The following STAG1 variants were observed in gnomAD, a reference collection of about 807,000 sequenced individuals.
The protein encoded by STAG1 is cohesin subunit SA-1.
A neutral mutation model predicts 170.9 loss-of-function variants in STAG1; 26 were observed. That is an observed-to-expected ratio of 0.15 (90% CI 0.11 to 0.21). The LOEUF is 0.21. STAG1 is among the 10% of genes least tolerant of loss of function. The pLI is 1.00. For synonymous variants in STAG1, 514 were observed against 497.7 expected (o/e 1.03, Z -0.44); for missense variants, 964 against 1,509.5 (o/e 0.64, Z 5.99).
chr3:136,503,266 CAG>C (rs1202416099), intron 7 of STAG1, among the ~76,000 whole-genome samples: 2 of 152,184 alleles, frequency 1.3e-5, no homozygotes, highest in African/African-American at 2.4e-5. Flanking sequence ...TTCCTCACCT[CAG>C]AGAGTTGCAC....
intron 9 of STAG1, among the ~76,000 whole-genome samples, chr3:136,495,827 G>T (rs959505759): frequency 4.6e-5 from 7 of 152,010 alleles, no homozygotes; most frequent in Non-Finnish European, 7.4e-5. Flanking sequence ...AAATTAGCCA[G>T]GCATGGTGGC....
At chr3:136,556,685 C>T (rs1394218689) in intron 5 of STAG1, among the ~76,000 whole-genome samples, 4 of 151,720 alleles carry the variant, frequency 2.6e-5, no homozygotes, top group Non-Finnish European at 4.4e-5. Context: ...TGGGCTCAAG[C>T]GATCCTCTCA....
chr3:136,411,919 T>C (rs1030090863), intron 21 of STAG1, among the ~76,000 whole-genome samples: 3 of 151,830 alleles, frequency 2.0e-5, no homozygotes, highest in African/African-American at 4.8e-5. Flanking sequence ...TCCTGAGTAG[T>C]TGGGATTACA....
intron 4 of STAG1, among the ~76,000 whole-genome samples, chr3:136,586,232 TTATG>T (rs1429843834): frequency 2.7e-5 from 4 of 150,634 alleles, no homozygotes; most frequent in Non-Finnish European, 5.9e-5. Context: ...GTATAATCCT[TTATG>T]TGTGTGTATA....
At chr3:136,751,182 T>TG (rs1935211855) in intron 1 of STAG1, among the ~76,000 whole-genome samples, 1 of 147,386 alleles carries the variant, frequency 6.8e-6, no homozygotes, top group African/African-American at 2.7e-5. Context: ...GTTTTTTTTT[T>TG]TTGTTTTTTT....
chr3:136,498,273 C>CCACACA (rs1292479321), intron 9 of STAG1, among the ~76,000 whole-genome samples: 3 of 44,412 alleles, frequency 6.8e-5, no homozygotes, highest in African/African-American at 2.9e-4. Context: ...CACACACACA[C>CCACACA]CACACACACA....
intron 23 of STAG1, among the ~76,000 whole-genome samples, chr3:136,370,088 A>G (rs1488929030): frequency 9.6e-6 from 1 of 104,650 alleles, no homozygotes; most frequent in Non-Finnish European, 2.0e-5. Context: ...ATACTATACT[A>G]TACTATACTA....
At chr3:136,613,944 G>A (rs1243299762) in intron 3 of STAG1, among the ~76,000 whole-genome samples, 1 of 152,170 alleles carries the variant, frequency 6.6e-6, no homozygotes, top group Non-Finnish European at 1.5e-5. Flanking sequence ...GCTGGGCGTC[G>A]TGGCTCATGC....
At chr3:136,678,363 A>C (rs1942209587) in intron 1 of STAG1, among the ~76,000 whole-genome samples, 3 of 152,052 alleles carry the variant, frequency 2.0e-5, no homozygotes, top group African/African-American at 7.2e-5. Flanking sequence ...CCAATGATGA[A>C]AAAATCCATA....
chr3:136,364,591 C>A (rs897899915), intron 25 of STAG1, among the ~76,000 whole-genome samples: 75 of 151,702 alleles, frequency 4.9e-4, no homozygotes, highest in Non-Finnish European at 3.2e-4. Context: ...ATCCCTGTAA[C>A]CCCCCCATCA....
At chr3:136,542,561 T>A (rs1245981970) in intron 5 of STAG1, among the ~76,000 whole-genome samples, 1 of 151,778 alleles carries the variant, frequency 6.6e-6, no homozygotes, top group African/African-American at 2.4e-5. Flanking sequence ...AAACTACAAA[T>A]TTACATACTC....
chr3:136,476,628 A>C (rs1213528604), intron 10 of STAG1, among the ~76,000 whole-genome samples: 1 of 152,242 alleles, frequency 6.6e-6, no homozygotes, highest in Non-Finnish European at 1.5e-5. Context: ...AATACTTCAG[A>C]AAACTGTAAA....
intron 21 of STAG1, among the ~76,000 whole-genome samples, chr3:136,410,625 TATGTAAAGACTTAAAATGAAACAA>T (rs1354178179): frequency 6.6e-6 from 1 of 152,144 alleles, no homozygotes; most frequent in Non-Finnish European, 1.5e-5. Flanking sequence ...TAATGAAACA[TATGTAAAGACTTAAAATGAAACAA>T]ATGTAAAGAC....
At chr3:136,399,794 T>C (rs1360760266) in intron 21 of STAG1, among the ~76,000 whole-genome samples, 1 of 152,202 alleles carries the variant, frequency 6.6e-6, no homozygotes, top group Non-Finnish European at 1.5e-5. Context: ...AAAGAGTTTT[T>C]CCTTATGTGT....
chr3:136,372,621 T>A (rs1034408345), intron 23 of STAG1, among the ~76,000 whole-genome samples: 3 of 152,172 alleles, frequency 2.0e-5, no homozygotes, highest in Non-Finnish European at 4.4e-5. Flanking sequence ...CGTTTTTGTC[T>A]TTGGTTCTGT....
At chr3:136,417,850 A>AG (rs1439515322) in intron 21 of STAG1, 35 bp downstream of exon 21, 5 of 1,527,336 alleles carry the variant, frequency 3.3e-6, no homozygotes, top group Non-Finnish European at 4.5e-6. Flanking sequence ...ACAACTTTCT[A>AG]GAGTCATACA....
chr3:136,718,491 G>C (rs981269400), intron 1 of STAG1, among the ~76,000 whole-genome samples: 3 of 152,032 alleles, frequency 2.0e-5, no homozygotes, highest in Admixed American at 6.6e-5. Flanking sequence ...TTACATTTTT[G>C]CATGTGACAT....
At chr3:136,468,492 C>A (rs1307380522) in intron 12 of STAG1, among the ~76,000 whole-genome samples, 1 of 152,078 alleles carries the variant, frequency 6.6e-6, no homozygotes, top group Non-Finnish European at 1.5e-5. Context: ...CAATAACAGG[C>A]TCTGAAATTG....
chr3:136,341,157 G>A (rs1935953787), intron 31 of STAG1, among the ~76,000 whole-genome samples: 1 of 152,106 alleles, frequency 6.6e-6, no homozygotes, highest in African/African-American at 2.4e-5. Context: ...TGATCCGCCC[G>A]CCTCGGCCTC....
Sources: allele counts gnomAD v4.1 joint callset (sites outside exome capture counted in the v4.1 genomes callset), GRCh38; gene constraint gnomAD v4.1.1; transcripts MANE v1.5; gene names NCBI Gene and HGNC (gene_info 2026-07-23, HGNC 2026-07-21).